PTPRG: variants seen among roughly 807,000 people sequenced by gnomAD.
The protein encoded by PTPRG is receptor-type tyrosine-protein phosphatase gamma.
PTPRG carries 102 observed loss-of-function variants against 165.3 expected under a neutral mutation model. That is an observed-to-expected ratio of 0.62 (90% CI 0.53 to 0.73). The LOEUF (loss-of-function observed/expected upper bound fraction) is 0.73, where lower values mean the gene tolerates loss of function less well. PTPRG is among the 30% of genes least tolerant of loss of function. The pLI is 0.00. For missense variants in PTPRG, 1,866 were observed against 1,861.4 expected (o/e 1.00, Z -0.05); for synonymous variants, 675 against 669.5 (o/e 1.01, Z -0.13).
intron 4 of PTPRG, among the ~76,000 whole-genome samples, chr3:62,047,750 G>T (rs1301345706): frequency 6.6e-6 from 1 of 152,280 alleles, no homozygotes; most frequent in Non-Finnish European, 1.5e-5. Flanking sequence ...GCCTCAGGAT[G>T]GTAGGACCCC....
intron 1 of PTPRG, among the ~76,000 whole-genome samples, chr3:61,724,034 C>A (rs1202561408): frequency 6.6e-6 from 1 of 151,984 alleles, no homozygotes; most frequent in Non-Finnish European, 1.5e-5. Flanking sequence ...GAGTTTGAGA[C>A]CAGTCTGACC....
At chr3:61,879,655 G>A (rs527476401) in intron 2 of PTPRG, among the ~76,000 whole-genome samples, 28 of 152,252 alleles carry the variant, frequency 1.8e-4, no homozygotes, top group African/African-American at 4.8e-4. Context: ...ATATACAAGA[G>A]CATGTCATCT....
At chr3:62,105,082 G>A (rs1559511002) in intron 5 of PTPRG, among the ~76,000 whole-genome samples, 1 of 152,150 alleles carries the variant, frequency 6.6e-6, no homozygotes, top group African/African-American at 2.4e-5. Flanking sequence ...AAAGAACTGT[G>A]GTCATTTTGG....
intron 2 of PTPRG, among the ~76,000 whole-genome samples, chr3:61,953,031 T>C (rs1042528645): frequency 6.6e-6 from 1 of 152,158 alleles, no homozygotes; most frequent in African/African-American, 2.4e-5. Flanking sequence ...TCAGGATACA[T>C]CCTAGGATCC....
chr3:61,571,504 A>C (rs1225686165), intron 1 of PTPRG, among the ~76,000 whole-genome samples: 1 of 152,196 alleles, frequency 6.6e-6, no homozygotes, highest in Non-Finnish European at 1.5e-5. Flanking sequence ...GCTACAATTA[A>C]ATAAGTAAGT....
chr3:61,691,446 G>A (rs1204977640), intron 1 of PTPRG, among the ~76,000 whole-genome samples: 5 of 152,130 alleles, frequency 3.3e-5, no homozygotes, highest in Admixed American at 1.3e-4. Context: ...TGTGCAAAAT[G>A]GAGTGTGATC....
At chr3:61,968,806 GGT>G (rs1165567038) in intron 2 of PTPRG, among the ~76,000 whole-genome samples, 1 of 152,142 alleles carries the variant, frequency 6.6e-6, no homozygotes, top group Non-Finnish European at 1.5e-5. Flanking sequence ...CTGTATCGAT[GGT>G]GATACTTCAT....
intron 2 of PTPRG, among the ~76,000 whole-genome samples, chr3:61,904,836 G>C (rs1156813599): frequency 6.6e-6 from 1 of 151,786 alleles, no homozygotes; most frequent in Non-Finnish European, 1.5e-5. Flanking sequence ...TTTTACCCTG[G>C]GTTTTCATCC....
chr3:62,017,225 ACT>A (rs1247523393), intron 4 of PTPRG, among the ~76,000 whole-genome samples: 1 of 152,112 alleles, frequency 6.6e-6, no homozygotes, highest in Non-Finnish European at 1.5e-5. Context: ...AGGGTAAGAA[ACT>A]CTAATTCCTG....
At chr3:62,047,804 A>G (rs889205168) in intron 4 of PTPRG, among the ~76,000 whole-genome samples, 70 of 152,298 alleles carry the variant, frequency 4.6e-4, no homozygotes, top group African/African-American at 1.6e-3. Flanking sequence ...CTTTGAGTTC[A>G]TAAATGCAAT....
intron 12 of PTPRG, among the ~76,000 whole-genome samples, chr3:62,204,540 A>G (rs1025392535): frequency 6.6e-6 from 1 of 152,180 alleles, no homozygotes; most frequent in African/African-American, 2.4e-5. Context: ...GAAGTTTTCG[A>G]TTGTGAAATG....
Position 61,817,049 on chromosome 3 carries a change from T to TATAATA in PTPRG, c.190+68067_190+68068insATAATA, listed in dbSNP as rs1175600666. On this transcript the variant is annotated intron_variant, in intron 2 of 29. Transcript: ENST00000474889. ...AATATATAGTATATAATATATAATA[T>TATAATA]TATATATAATATATAATACATATAT... Among the ~76,000 whole-genome samples, 5 of 127,674 alleles carry TATAATA rather than the reference T, an allele frequency of 3.9e-5. No homozygotes were observed. The South Asian group carries it at 6.6e-4, about 17-fold the overall frequency. 83.8% of individuals were successfully genotyped at this position (127,674 alleles called of 152,430 possible). A position where few individuals can be genotyped will look rare whatever the true frequency, so the allele number is the denominator to read the frequency against.
At chr3:61,892,125 A>T (rs758607632) in intron 2 of PTPRG, among the ~76,000 whole-genome samples, 2 of 152,204 alleles carry the variant, frequency 1.3e-5, no homozygotes, top group African/African-American at 4.8e-5. Flanking sequence ...CATTTTACAG[A>T]TGGGAAAGTA....
intron 2 of PTPRG, among the ~76,000 whole-genome samples, chr3:61,879,904 C>A (rs1402974239): frequency 1.3e-5 from 2 of 152,142 alleles, no homozygotes; most frequent in African/African-American, 4.8e-5. Context: ...TGAAACAAAT[C>A]AAAATTCCTT....
intron 1 of PTPRG, among the ~76,000 whole-genome samples, chr3:61,660,696 G>A (rs905624288): frequency 6.6e-6 from 1 of 152,082 alleles, no homozygotes; most frequent in Non-Finnish European, 1.5e-5. Context: ...CAATGATAAT[G>A]ATGATTGGAT....
chr3:62,048,956 G>C (rs1448281103), intron 4 of PTPRG, among the ~76,000 whole-genome samples: 1 of 152,124 alleles, frequency 6.6e-6, no homozygotes, highest in Admixed American at 6.6e-5. Context: ...ACTGCTGCCT[G>C]TTTCTCTGAC....
At chr3:62,244,256 C>T (rs1450947180) in intron 15 of PTPRG, among the ~76,000 whole-genome samples, 1 of 152,084 alleles carries the variant, frequency 6.6e-6, no homozygotes, top group African/African-American at 2.4e-5. Context: ...TCTTAATGTT[C>T]AAAGTTTTGG....
intron 2 of PTPRG, among the ~76,000 whole-genome samples, chr3:61,831,819 T>G (rs2036303557): frequency 2.0e-5 from 3 of 152,202 alleles, no homozygotes; most frequent in Non-Finnish European, 4.4e-5. Flanking sequence ...TCATAAGAAT[T>G]GCTGGTTCAA....
chr3:61,581,572 A>G (rs528957445), intron 1 of PTPRG, among the ~76,000 whole-genome samples: 1 of 150,840 alleles, frequency 6.6e-6, no homozygotes, highest in East Asian at 1.9e-4. Context: ...GGAGCAGGGC[A>G]GAGTTAATGA....
Sources: gnomAD v4.1 joint callset for allele counts (sites outside exome capture counted in the v4.1 genomes callset) on GRCh38, gnomAD v4.1.1 for gene constraint, MANE v1.5 for transcripts, NCBI Gene and HGNC (gene_info 2026-07-23, HGNC 2026-07-21) for gene names.